Variants in ADAM22 observed in about 807,000 individuals in gnomAD.
The protein encoded by ADAM22 is ADAM metallopeptidase domain 22.
ADAM22 carries 65 observed loss-of-function variants against 144.6 expected under a neutral mutation model. The ratio of observed to expected loss-of-function variants is 0.45; its 90% CI spans 0.37 to 0.55. The LOEUF (loss-of-function observed/expected upper bound fraction) is 0.55, where lower values mean the gene tolerates loss of function less well. Ranked by LOEUF, ADAM22 falls within the 20% of genes least tolerant of loss-of-function variation. The probability of loss-of-function intolerance (pLI) is 0.00; values close to 1 mark genes in which losing one functional copy is unlikely to be tolerated. For synonymous variants in ADAM22, 391 were observed against 412.6 expected (o/e 0.95, Z 0.63); for missense variants, 974 against 1,184.9 (o/e 0.82, Z 2.61).
chr7:88,008,384 G>T (rs1438592517), intron 3 of ADAM22, among the ~76,000 whole-genome samples: 22 of 150,204 alleles, frequency 1.5e-4, no homozygotes, highest in Admixed American at 1.2e-3. Flanking sequence ...ATTTGACCCA[G>T]CCATCCCATT....
intron 3 of ADAM22, among the ~76,000 whole-genome samples, chr7:87,992,295 G>C (rs899826306): frequency 1.3e-5 from 2 of 152,158 alleles, no homozygotes; most frequent in Admixed American, 6.5e-5. Flanking sequence ...GAAGTTCAGG[G>C]GGCTGGGGAG....
intron 2 of ADAM22, among the ~76,000 whole-genome samples, chr7:87,968,212 G>A (rs915094641): frequency 2.0e-5 from 3 of 152,120 alleles, no homozygotes; most frequent in African/African-American, 4.8e-5. Context: ...TTCAAGATAA[G>A]GAGGGCATTT....
In ADAM22 at chr7:88,196,205, C is replaced by G. The variant is rs557134654; in HGVS notation, c.2875-266C>G. Among the ~76,000 whole-genome samples the G allele has an allele frequency of 8.5e-5, 13 of 152,234 alleles. No individual in the cohort carries two copies. In the East Asian group the frequency reaches 1.5e-3, roughly 18 times the overall value. On this transcript the variant is annotated intron_variant, in intron 31 of 31. Coordinates refer to ENST00000413139, the MANE Select transcript of ADAM22 (RefSeq NM_001324418.2). ...TTTGAGACACAATATTGACTCTATT[C>G]AAAATGTTTAGTAACATTAAATGAG...
intron 17 of ADAM22, among the ~76,000 whole-genome samples, chr7:88,148,403 T>G (rs1359204064): frequency 6.6e-6 from 1 of 152,094 alleles, no homozygotes; most frequent in African/African-American, 2.4e-5. Flanking sequence ...CAAGAAGTAT[T>G]TGAGATGATG....
chr7:88,059,822 T>G (rs951111019), intron 3 of ADAM22, among the ~76,000 whole-genome samples: 1 of 152,084 alleles, frequency 6.6e-6, no homozygotes, highest in Non-Finnish European at 1.5e-5. Flanking sequence ...TGGGTACGCA[T>G]GGTGGACATA....
At chr7:87,981,535 G>A (rs1391008885) in intron 3 of ADAM22, among the ~76,000 whole-genome samples, 1 of 152,158 alleles carries the variant, frequency 6.6e-6, no homozygotes, top group Non-Finnish European at 1.5e-5. Flanking sequence ...ATGGGAGGTG[G>A]TGTGGGGATA....
rs1033064804 is a variant in ADAM22 at position 88,017,400 on chromosome 7, A to G, written c.323+38988A>G. Among the ~76,000 whole-genome samples the G allele has an allele frequency of 6.6e-5, 10 of 152,302 alleles. 1 individual carries two copies. The Middle Eastern group carries it at 0.01, about 155-fold the overall frequency. ...CATCCCATAAATATGTATAATTATT[A>G]TGCGTCAACTAAAAATAAAAGGACA... is the stretch of plus-strand genomic sequence containing the variant. On this transcript the variant is annotated intron_variant, in intron 3 of 31. Transcript: ENST00000413139.
chr7:88,158,172 G>A (rs1840523043), intron 22 of ADAM22, among the ~76,000 whole-genome samples: 1 of 152,132 alleles, frequency 6.6e-6, no homozygotes, highest in African/African-American at 2.4e-5. Context: ...TTATGTAATG[G>A]TAGAGGGTTC....
At chr7:87,957,614 C>G (rs1847091159) in intron 2 of ADAM22, among the ~76,000 whole-genome samples, 1 of 151,996 alleles carries the variant, frequency 6.6e-6, no homozygotes, top group East Asian at 1.9e-4. Flanking sequence ...GAGTTTCGCT[C>G]TTGTTGCCCA....
intron 3 of ADAM22, among the ~76,000 whole-genome samples, chr7:87,988,607 A>T (rs1789024752): frequency 6.6e-6 from 1 of 152,196 alleles, no homozygotes; most frequent in Admixed American, 6.5e-5. Context: ...AAATCTTATG[A>T]CTTACTGACT....
intron 30 of ADAM22, among the ~76,000 whole-genome samples, chr7:88,188,856 G>C (rs922845902): frequency 6.6e-6 from 1 of 152,144 alleles, no homozygotes; most frequent in African/African-American, 2.4e-5. Context: ...TGAGGGCAAA[G>C]GTCACCTTAT....
chr7:88,183,810 CTATATATACACATGTATATATACA>C, intron 29 of ADAM22, among the ~76,000 whole-genome samples: 1 of 147,048 alleles, frequency 6.8e-6, no homozygotes, highest in East Asian at 2.0e-4. Flanking sequence ...AACTGTCTCT[CTATATATACACATGTATATATACA>C]TATATATATA....
Position 88,148,983 on chromosome 7 carries a change from C to G in ADAM22, c.1492C>G (p.Pro498Ala), listed in dbSNP as rs1327183491. The G allele has an allele frequency of 3.7e-6, 6 of 1,610,806 alleles. No individual in the cohort carries two copies. The highest frequency in any genetic ancestry group is 2.7e-5 in the African/African-American group (2 of 74,906). Residue 498 changes from proline to alanine, a missense_variant, in exon 18 of 32, where the codon CCT becomes GCT. Pro to Ala is a conservative substitution (Grantham distance 27, BLOSUM62 -1). Around this residue, in one of 2 missense-constraint regions of ADAM22, gnomAD observed 734 missense variants for 950.6 expected, o/e 0.77. Transcript: ENST00000413139. ...TGATTTTTGTTCATTTTAGTTTCAG[C>G]CTATGGGCACTGTGTGCCGAGAAGC... is the stretch of plus-strand genomic sequence containing the variant. ...GLCCKKCKFQPMGTVCREAVN... is the reference protein window; with the variant it reads ...GLCCKKCKFQAMGTVCREAVN...
At chr7:88,033,922 G>A (rs1237384770) in intron 3 of ADAM22, among the ~76,000 whole-genome samples, 1 of 152,004 alleles carries the variant, frequency 6.6e-6, no homozygotes, top group Non-Finnish European at 1.5e-5. Context: ...TTCTAGGCCT[G>A]GAGCTCACTG....
intron 9 of ADAM22, among the ~76,000 whole-genome samples, chr7:88,129,824 G>C (rs1233538795): frequency 6.6e-6 from 1 of 152,070 alleles, no homozygotes; most frequent in Non-Finnish European, 1.5e-5. Flanking sequence ...ACTGAAGCCA[G>C]AAATTGGATT....
chr7:87,984,760 A>T (rs1364530817), intron 3 of ADAM22, among the ~76,000 whole-genome samples: 2 of 152,018 alleles, frequency 1.3e-5, no homozygotes, highest in African/African-American at 2.4e-5. Flanking sequence ...GGCTTACTAC[A>T]GCCTCAACCC....
At chr7:87,982,060 T>TACACAC (rs1325628045) in intron 3 of ADAM22, among the ~76,000 whole-genome samples, 23 of 120,442 alleles carry the variant, frequency 1.9e-4, no homozygotes, top group South Asian at 2.9e-4. Flanking sequence ...TATATATATA[T>TACACAC]ATATATATAC....
chr7:88,192,272 C>T (rs56273195), intron 30 of ADAM22, among the ~76,000 whole-genome samples: 2 of 152,208 alleles, frequency 1.3e-5, no homozygotes, highest in Non-Finnish European at 2.9e-5. Flanking sequence ...GGAATAGCTA[C>T]TACAGTTATC....
At chr7:87,976,208 A>T (rs890023983) in intron 2 of ADAM22, among the ~76,000 whole-genome samples, 1 of 152,202 alleles carries the variant, frequency 6.6e-6, no homozygotes, top group Non-Finnish European at 1.5e-5. Context: ...GAAAGGCTTC[A>T]TGGAAGAGGG....
Sources: allele counts gnomAD v4.1 joint callset (sites outside exome capture counted in the v4.1 genomes callset), GRCh38; gene constraint gnomAD v4.1.1; regional missense constraint gnomAD v4.1.1; transcripts MANE v1.5; gene names NCBI Gene and HGNC (gene_info 2026-07-23, HGNC 2026-07-21).